Variants in PCDH11X observed in about 807,000 individuals in gnomAD.
PCDH11X encodes the protein protocadherin-11 X-linked.
In PCDH11X, 18 loss-of-function variants were observed where a neutral mutation model predicts 53.3. The ratio of observed to expected loss-of-function variants is 0.34; its 90% confidence interval spans 0.23 to 0.50. The LOEUF is 0.50. PCDH11X is among the 20% of genes least tolerant of loss of function. PCDH11X has a pLI of 0.98. For synonymous variants in PCDH11X, 279 were observed against 393.3 expected (o/e 0.71, Z 3.44); for missense variants, 570 against 1,032.4 (o/e 0.55, Z 6.14).
intron 6 of PCDH11X, among the ~76,000 whole-genome samples, chrX:92,166,082 G>C (rs1178702832): frequency 9.0e-6 from 1 of 110,873 alleles, no homozygotes; most frequent in African/African-American, 3.3e-5. Context: ...TATACATATA[G>C]TGAAATATAG....
chrX:92,014,770 C>G (rs1045964873), intron 6 of PCDH11X, among the ~76,000 whole-genome samples: 1 of 111,243 alleles, frequency 9.0e-6, no homozygotes, highest in Non-Finnish European at 1.9e-5. Context: ...TCAATCTCAG[C>G]AAACTATCGC....
At chrX:92,225,821 TTC>T (rs1297540796) in intron 7 of PCDH11X, among the ~76,000 whole-genome samples, 1 of 111,943 alleles carries the variant, frequency 8.9e-6, no homozygotes. Flanking sequence ...TTGTATATTT[TTC>T]TCTTTTTAAG....
At chrX:91,976,794 T>G (rs2062052540) in intron 6 of PCDH11X, among the ~76,000 whole-genome samples, 1 of 111,988 alleles carries the variant, frequency 8.9e-6, no homozygotes, top group Non-Finnish European at 1.9e-5. Context: ...GAAATGCACT[T>G]AAATTGTGTG....
intron 6 of PCDH11X, among the ~76,000 whole-genome samples, chrX:92,068,098 A>G (rs1477630811): frequency 2.7e-5 from 3 of 110,094 alleles, no homozygotes; most frequent in African/African-American, 1.0e-4. Flanking sequence ...TTTCAAAGAA[A>G]CCAACTTTTC....
At position 92,621,129 on chromosome X, in the gene PCDH11X, TACACACACACACACACACACACGTGC is replaced by T. The variant is rs1928453471; in HGVS notation, c.*2203_*2228del. The T allele has an allele frequency of 1.3e-5, 1 of 77,872 alleles. No homozygotes were observed. The highest frequency in any genetic ancestry group is 6.9e-5 in the African/African-American group (1 of 14,486). The allele number at this position is 77,872 out of a possible 1,213,427, so 6.4% of individuals were successfully genotyped here. ...GCAAAACTTTAGTTTTCTGATGATC[TACACACACACACACACACACACGTGC>T]ACACACACACACATTTAAATGATAT... On this transcript the variant is annotated 3_prime_UTR_variant, in exon 11 of 11. Coordinates refer to ENST00000682573, the MANE Select transcript of PCDH11X (RefSeq NM_032968.5).
intron 10 of PCDH11X, among the ~76,000 whole-genome samples, chrX:92,484,191 G>GTATGTA (rs2073583332): frequency 3.0e-5 from 2 of 65,723 alleles, no homozygotes; most frequent in African/African-American, 2.0e-4. Flanking sequence ...GTATATATAT[G>GTATGTA]TATATATGTA....
At chrX:91,860,611 G>C (rs1183109604) in intron 5 of PCDH11X, among the ~76,000 whole-genome samples, 1 of 111,520 alleles carries the variant, frequency 9.0e-6, no homozygotes, top group Non-Finnish European at 1.9e-5. Flanking sequence ...GTCATAAATG[G>C]CTCTTATTAT....
At chrX:91,985,378 G>A (rs1312423009) in intron 6 of PCDH11X, among the ~76,000 whole-genome samples, 2 of 111,586 alleles carry the variant, frequency 1.8e-5, no homozygotes, top group Non-Finnish European at 3.8e-5. Context: ...GGTGGCGCAT[G>A]CCTATAATCC....
chrX:91,859,120 G>T (rs1285995527), intron 5 of PCDH11X, among the ~76,000 whole-genome samples: 2 of 110,759 alleles, frequency 1.8e-5, no homozygotes, highest in African/African-American at 6.6e-5. Flanking sequence ...CCACAGCCTG[G>T]CCGGAATCTG....
chrX:91,987,898 C>T (rs1001283620), intron 6 of PCDH11X, among the ~76,000 whole-genome samples: 9 of 110,710 alleles, frequency 8.1e-5, no homozygotes, highest in African/African-American at 2.6e-4. Flanking sequence ...AAAACTCTCA[C>T]AAAAATAATT....
In PCDH11X at chrX:92,029,389, C is replaced by T. The variant is rs758219247; in HGVS notation, c.3033+150116C>T. On this transcript the variant is annotated intron_variant, in intron 6 of 10. Transcript: ENST00000682573. ...CAGTTTATTGGATTGCCACTGATCT[C>T]AATTTCACCTTGGGCATTCAAGTGA... Among the ~76,000 whole-genome samples, 32 of 112,134 alleles carry T rather than the reference C, an allele frequency of 2.9e-4. 1 individual carries two copies. Among genetic ancestry groups the T allele is most frequent in the Non-Finnish European group, 1.1e-4 (6 of 53,286 alleles).
chrX:92,301,113 T>C (rs1235767841), intron 8 of PCDH11X, among the ~76,000 whole-genome samples: 1 of 110,782 alleles, frequency 9.0e-6, no homozygotes, highest in African/African-American at 3.3e-5. Context: ...GGGGAGAGGG[T>C]GCAGTTGGGC....
chrX:92,361,614 T>C (rs779940154), intron 8 of PCDH11X, among the ~76,000 whole-genome samples: 8 of 110,435 alleles, frequency 7.2e-5, no homozygotes, highest in African/African-American at 2.6e-4. Flanking sequence ...TTCTCTCTGA[T>C]AACTTGTAAT....
rs1273543624 is a variant in PCDH11X, at chrX:92,585,373, C to CTT, written c.3368-32876_3368-32875dup. ...CAAATGTAAATAGTGCTTTCTTTTT[C>CTT]TTTTTTTTTTTTTTTTGGGACAGAG... On this transcript the variant is annotated intron_variant, in intron 10 of 10. Transcript: ENST00000682573. Among the ~76,000 whole-genome samples, 568 of 92,364 alleles carry CTT rather than the reference C, an allele frequency of 6.1e-3. 5 individuals are homozygous for CTT. Among genetic ancestry groups the CTT allele is most frequent in the African/African-American group, 0.022 (535 of 24,474 alleles). The allele number at this position is 92,364 out of a possible 115,157, so 80.2% of individuals were successfully genotyped here.
chrX:92,202,848 C>T (rs1398472406), intron 7 of PCDH11X, among the ~76,000 whole-genome samples: 3 of 110,694 alleles, frequency 2.7e-5, no homozygotes, highest in South Asian at 3.9e-4. Context: ...AGTGAAACCC[C>T]GCCTCTACAA....
At chrX:92,159,560 A>G (rs2065600002) in intron 6 of PCDH11X, among the ~76,000 whole-genome samples, 1 of 109,020 alleles carries the variant, frequency 9.2e-6, no homozygotes, top group African/African-American at 3.3e-5. Flanking sequence ...GTATAAAGGG[A>G]AATTTTCTAG....
intron 9 of PCDH11X, among the ~76,000 whole-genome samples, chrX:92,392,975 A>T (rs1305873318): frequency 2.7e-5 from 3 of 110,522 alleles, no homozygotes; most frequent in African/African-American, 9.8e-5. Flanking sequence ...CTGAGTCCAC[A>T]GTTCAGCTAA....
chrX:92,319,507 G>T (rs1406501056), intron 8 of PCDH11X, among the ~76,000 whole-genome samples: 2 of 111,542 alleles, frequency 1.8e-5, no homozygotes, highest in African/African-American at 6.5e-5. Flanking sequence ...AGTCTTATAT[G>T]CCTTCATTGT....
chrX:92,527,085 C>T (rs34659012), intron 10 of PCDH11X, among the ~76,000 whole-genome samples: 90 of 110,929 alleles, frequency 8.1e-4, no homozygotes, highest in Non-Finnish European at 1.7e-4. Context: ...AACTCAGGAA[C>T]GTAGAAAGTT....
Sources: gnomAD v4.1 joint callset for allele counts (sites outside exome capture counted in the v4.1 genomes callset) on GRCh38, gnomAD v4.1.1 for gene constraint, MANE v1.5 for transcripts, NCBI Gene and HGNC (gene_info 2026-07-23, HGNC 2026-07-21) for gene names.